The following LLPH variants were observed in gnomAD, a reference collection of about 807,000 sequenced individuals.
LLPH encodes LLP homolog, long-term synaptic facilitation factor.
LLPH carries 5 observed loss-of-function variants against 13.3 expected under a neutral mutation model. That is an observed-to-expected ratio of 0.38 (90% CI 0.20 to 0.79). The LOEUF is 0.79. Ranked by LOEUF, LLPH falls within the 30% of genes least tolerant of loss-of-function variation. The pLI is 0.45. For synonymous variants in LLPH, 32 were observed against 44.2 expected (o/e 0.72, Z 1.09); for missense variants, 129 against 152.1 (o/e 0.85, Z 0.80).
chr12:66,128,692 C>T (rs943504163), intron 2 of LLPH, among the ~76,000 whole-genome samples: 4 of 151,616 alleles, frequency 2.6e-5, no homozygotes, highest in Non-Finnish European at 5.9e-5. Context: ...AAATGAAGCG[C>T]AGAGGGGCTG....
Position 66,119,011 on chromosome 12 carries a change from G to C in LLPH, c.*4829C>G, listed in dbSNP as rs1329663608. 2.6e-5 allele frequency: 4 copies of C among 152,110 alleles called. No individual in the cohort carries two copies. Among genetic ancestry groups the C allele is most frequent in the African/African-American group, 9.7e-5 (4 of 41,402 alleles). The allele number at this position is 152,110 out of a possible 1,614,324, so 9.4% of individuals were successfully genotyped here. A position where few individuals can be genotyped will look rare whatever the true frequency, so the allele number is the denominator to read the frequency against. On this transcript the variant is annotated 3_prime_UTR_variant, in exon 3 of 3. Coordinates refer to ENST00000266604, the MANE Select transcript of LLPH (RefSeq NM_032338.4). ...TGCCCATTTCAGCTCCCAAAATCTTGGTTAGAAGGCGCTTCCTTAAATCAA... is the reference window on the plus strand; with the variant it reads ...TGCCCATTTCAGCTCCCAAAATCTTCGTTAGAAGGCGCTTCCTTAAATCAA...
chr12:66,118,820 A>G lies in LLPH; in HGVS notation c.*5020T>C, dbSNP rs1469393293. The G allele has an allele frequency of 6.6e-6, 1 of 152,216 alleles. No homozygotes were observed. The highest frequency in any genetic ancestry group is 2.4e-5 in the African/African-American group (1 of 41,454). The allele number at this position is 152,216 out of a possible 1,614,324, so 9.4% of individuals were successfully genotyped here. On this transcript the variant is annotated 3_prime_UTR_variant, in exon 3 of 3. Transcript: ENST00000266604. Reference sequence around the variant, plus strand: ...ATGGGTTATATGCAAATATTTCACCAGTTTATGTAAGCGATTCGAGCATCT... The same window carrying G: ...ATGGGTTATATGCAAATATTTCACCGGTTTATGTAAGCGATTCGAGCATCT...
At chr12:66,127,036 T>C (rs2051501920) in intron 2 of LLPH, among the ~76,000 whole-genome samples, 1 of 152,150 alleles carries the variant, frequency 6.6e-6, no homozygotes, top group Non-Finnish European at 1.5e-5. Context: ...ATCTATTTCA[T>C]ACCCTCGAAG....
rs2051442736 is a variant in LLPH at position 66,118,425 on chromosome 12, C to T, written c.*5415G>A. ...CATGTCTGAGGCCTTCACATTCACTCATGGCTTACTCATTGACTCACCCCA... is the reference window on the plus strand; with the variant it reads ...CATGTCTGAGGCCTTCACATTCACTTATGGCTTACTCATTGACTCACCCCA... On this transcript the variant is annotated 3_prime_UTR_variant, in exon 3 of 3. Transcript: ENST00000266604. 1 of 151,646 alleles carries T rather than the reference C, an allele frequency of 6.6e-6. No individual in the cohort carries two copies. 9.4% of individuals were successfully genotyped at this position (151,646 alleles called of 1,614,324 possible).
In LLPH at chr12:66,118,750, A is replaced by C. The variant is rs2051445036; in HGVS notation, c.*5090T>G. 6.6e-6 allele frequency: 1 copy of C among 152,206 alleles called. No individual in the cohort carries two copies. Among genetic ancestry groups the C allele is most frequent in the African/African-American group, 2.4e-5 (1 of 41,452 alleles). The allele number at this position is 152,206 out of a possible 1,614,324, so 9.4% of individuals were successfully genotyped here. A position where few individuals can be genotyped will look rare whatever the true frequency, so the allele number is the denominator to read the frequency against. ...CCTAGTGACACACTTCTCAGAACAC[A>C]TCCCAGTCATTTAGTGACATATGAC... On this transcript the variant is annotated 3_prime_UTR_variant, in exon 3 of 3. Transcript: ENST00000266604.
rs936781740 is a variant in LLPH, at chr12:66,117,432, C to T, written c.*6408G>A. The T allele has an allele frequency of 6.6e-6, 1 of 152,156 alleles. No homozygotes were observed. The highest frequency in any genetic ancestry group is 1.5e-5 in the Non-Finnish European group (1 of 68,030). The allele number at this position is 152,156 out of a possible 1,614,324, so 9.4% of individuals were successfully genotyped here. A position where few individuals can be genotyped will look rare whatever the true frequency, so the allele number is the denominator to read the frequency against. On this transcript the variant is annotated 3_prime_UTR_variant, in exon 3 of 3. Coordinates refer to ENST00000266604, the MANE Select transcript of LLPH (RefSeq NM_032338.4). ...TTCCTATGGCCCAGTGACACTGTAG[C>T]CATCTTAACATCACAGTGCAATGCA...
chr12:66,128,460 G>A (rs753933305), intron 2 of LLPH, among the ~76,000 whole-genome samples: 2 of 152,096 alleles, frequency 1.3e-5, no homozygotes, highest in East Asian at 3.9e-4. Context: ...CTCATAGAAT[G>A]GGAATTAGAT....
At position 66,122,726 on chromosome 12, in the gene LLPH, A is replaced by T. The variant is rs1432530026; in HGVS notation, c.*1114T>A. 6.6e-6 allele frequency: 1 copy of T among 152,216 alleles called. No homozygotes were observed. The highest frequency in any genetic ancestry group is 1.5e-5 in the Non-Finnish European group (1 of 68,038). 9.4% of individuals were successfully genotyped at this position (152,216 alleles called of 1,614,324 possible). A position where few individuals can be genotyped will look rare whatever the true frequency, so the allele number is the denominator to read the frequency against. ...GTAGGACTATTCTAATCCTAAACTA[A>T]AATCTTTTGTAAATCTTCAAGTATG... On this transcript the variant is annotated 3_prime_UTR_variant, in exon 3 of 3. Coordinates refer to ENST00000266604, the MANE Select transcript of LLPH (RefSeq NM_032338.4).
At chr12:66,125,178 G>A (rs2051488609) in intron 2 of LLPH, among the ~76,000 whole-genome samples, 1 of 152,174 alleles carries the variant, frequency 6.6e-6, no homozygotes, top group Non-Finnish European at 1.5e-5. Flanking sequence ...TCACACTGGT[G>A]GATATGTAGA....
rs1428966455 is a variant in LLPH at position 66,123,971 on chromosome 12, G to C, written c.259C>G (p.Leu87Val). The change falls in exon 3 of 3, where the codon CTA becomes GTA. Residue 87 changes from leucine (L) to valine (V), a missense_variant. Coordinates refer to ENST00000266604, the MANE Select transcript of LLPH (RefSeq NM_032338.4). ...TDIKRNKKTLLDQHGQYPIWM... is the reference protein window; with the variant it reads ...TDIKRNKKTLVDQHGQYPIWM... ...ATTGGGTACTGTCCATGCTGGTCTA[G>C]AAGAGTCTTTTTGTTTCTCTTAATA... 1 of 1,610,606 alleles carries C rather than the reference G, an allele frequency of 6.2e-7. No individual in the cohort carries two copies. Among genetic ancestry groups the C allele is most frequent in the South Asian group, 1.1e-5 (1 of 90,170 alleles).
rs368685543 is a variant in LLPH at position 66,129,035 on chromosome 12, C to T, written c.72G>A (p.Lys24=). 1.2e-6 allele frequency: 2 copies of T among 1,611,050 alleles called. No homozygotes were observed. The highest frequency in any genetic ancestry group is 1.7e-6 in the Non-Finnish European group (2 of 1,177,556). The change falls in exon 2 of 3, where the codon AAG becomes AAA. Residue 24 remains lysine, a synonymous_variant. Coordinates refer to ENST00000266604, the MANE Select transcript of LLPH (RefSeq NM_032338.4). The stretch of plus-strand genomic sequence containing the variant: ...GAATACTTTTAAGCCTGCTGGCCTC[C>T]TTTGGGGCATTCTTTTTTCTCTTTT... The part of the protein sequence containing the change: ...RAEKRKKNAP[K]EASRLKSILK...
rs1444371521 is a variant in LLPH at position 66,120,205 on chromosome 12, T to C, written c.*3635A>G. 1 of 152,226 alleles carries C rather than the reference T, an allele frequency of 6.6e-6. No homozygotes were observed. Among genetic ancestry groups the C allele is most frequent in the Non-Finnish European group, 1.5e-5 (1 of 68,044 alleles). 9.4% of individuals were successfully genotyped at this position (152,226 alleles called of 1,614,324 possible). A position where few individuals can be genotyped will look rare whatever the true frequency, so the allele number is the denominator to read the frequency against. ...GATTTGAGGAGGGTTCTGTACATCA[T>C]TATTCTACTTAAACCTGCTCTTTAT... On this transcript the variant is annotated 3_prime_UTR_variant, in exon 3 of 3. Coordinates refer to ENST00000266604, the MANE Select transcript of LLPH (RefSeq NM_032338.4).
chr12:66,127,934 G>A (rs182178024), intron 2 of LLPH, among the ~76,000 whole-genome samples: 52 of 152,150 alleles, frequency 3.4e-4, no homozygotes, highest in Non-Finnish European at 4.4e-4. Context: ...GAATGTTAAC[G>A]GTGGAGAGGA....
chr12:66,129,169 C>T, intron 1 of LLPH, 56 bp from the exon 2 acceptor site: 1 of 1,199,952 alleles, frequency 8.3e-7, no homozygotes, highest in Non-Finnish European at 1.2e-6. Context: ...AAAAAGAAAA[C>T]AGGCAAATCC....
chr12:66,119,181 A>G lies in LLPH; in HGVS notation c.*4659T>C, dbSNP rs757818776. ...ACTGTTTTCTCATCTGAAAATAGGG[A>G]TAATTAAAGTATTGATCCCACAGTG... is the stretch of plus-strand genomic sequence containing the variant. On this transcript the variant is annotated 3_prime_UTR_variant, in exon 3 of 3. Transcript: ENST00000266604. 1 of 152,228 alleles carries G rather than the reference A, an allele frequency of 6.6e-6. No homozygotes were observed. Among genetic ancestry groups the G allele is most frequent in the Non-Finnish European group, 1.5e-5 (1 of 68,052 alleles). 9.4% of individuals were successfully genotyped at this position (152,228 alleles called of 1,614,324 possible).
chr12:66,125,933 GTAAT>G (rs1386147426), intron 2 of LLPH, among the ~76,000 whole-genome samples: 1 of 152,216 alleles, frequency 6.6e-6, no homozygotes, highest in African/African-American at 2.4e-5. Context: ...AAAGCAAATT[GTAAT>G]TAATACCCTT....
rs1278199964 is a variant in LLPH, at chr12:66,117,854, A to T, written c.*5986T>A. The stretch of plus-strand genomic sequence containing the variant: ...AAAAAAAGAAATTAAAAAATTAAAA[A>T]TTGTGGAAATAGAAAAAAGCTTATA... On this transcript the variant is annotated 3_prime_UTR_variant, in exon 3 of 3. Transcript: ENST00000266604. 1 of 152,226 alleles carries T rather than the reference A, an allele frequency of 6.6e-6. No individual in the cohort carries two copies. Among genetic ancestry groups the T allele is most frequent in the East Asian group, 1.9e-4 (1 of 5,204 alleles). The allele number at this position is 152,226 out of a possible 1,614,324, so 9.4% of individuals were successfully genotyped here.
intron 1 of LLPH, among the ~76,000 whole-genome samples, chr12:66,129,972 A>G (rs557072838): frequency 6.6e-6 from 1 of 151,914 alleles, no homozygotes; most frequent in South Asian, 2.1e-4. Flanking sequence ...CCTCCCTCAT[A>G]TATATTCAAG....
Position 66,123,849 on chromosome 12 carries a change from C to T in LLPH, c.381G>A (p.Leu127=). The change falls in exon 3 of 3, where the codon TTG becomes TTA. Residue 127 remains leucine, a synonymous_variant. Transcript: ENST00000266604. ...KAKAVKVAKG[L]AW is the part of the protein sequence containing the mutation. The stretch of plus-strand genomic sequence containing the variant: ...CCAAGGTTTTAAGAGTCTACCAGGC[C>T]AAACCCTTTGCCACTTTCACTGCTT... The T allele has an allele frequency of 1.9e-6, 3 of 1,610,786 alleles. No homozygotes were observed. The highest frequency in any genetic ancestry group is 2.5e-6 in the Non-Finnish European group (3 of 1,179,828).
Sources: allele counts gnomAD v4.1 joint callset (sites outside exome capture counted in the v4.1 genomes callset), GRCh38; gene constraint gnomAD v4.1.1; transcripts MANE v1.5; gene names NCBI Gene and HGNC (gene_info 2026-07-23, HGNC 2026-07-21).